Variants in TMEM178B observed in about 807,000 individuals in gnomAD.
TMEM178B encodes transmembrane protein 178B.
TMEM178B carries 5 observed loss-of-function variants against 31.0 expected under a neutral mutation model. That is an observed-to-expected ratio of 0.16 (90% CI 0.08 to 0.34). The LOEUF (loss-of-function observed/expected upper bound fraction) is 0.34, where lower values mean the gene tolerates loss of function less well. Ranked by LOEUF, TMEM178B falls within the 10% of genes least tolerant of loss-of-function variation. The pLI is 1.00. For synonymous variants in TMEM178B, 164 were observed against 164.0 expected, an observed-to-expected ratio of 1.00 and a Z score of 0.00; for missense variants, 275 against 400.3, an observed-to-expected ratio of 0.69 and a Z score of 2.67.
the TMEM178B span, among the ~76,000 whole-genome samples, chr7:141,502,157 T>A: frequency 7.4e-5 from 10 of 135,906 alleles, no homozygotes; most frequent in African/African-American, 3.7e-4. Flanking sequence ...CCCTCCCTAA[T>A]ACTTAAAAGC....
chr7:141,342,312 C>G (rs1799528690), intron 2 of TMEM178B, among the ~76,000 whole-genome samples: 1 of 152,226 alleles, frequency 6.6e-6, no homozygotes, highest in South Asian at 2.1e-4. Flanking sequence ...ATCATTGGTT[C>G]TAACCTTCCC....
intron 1 of TMEM178B, among the ~76,000 whole-genome samples, chr7:141,172,613 T>C (rs1796366303): frequency 6.6e-6 from 1 of 152,182 alleles, no homozygotes; most frequent in Non-Finnish European, 1.5e-5. Flanking sequence ...ACCAGGACTC[T>C]GTTACCTCCC....
chr7:141,454,392 G>A (rs1237489356), intron 3 of TMEM178B, among the ~76,000 whole-genome samples: 1 of 152,066 alleles, frequency 6.6e-6, no homozygotes, highest in Non-Finnish European at 1.5e-5. Flanking sequence ...ACATTGGTGG[G>A]AGAGAAAGCC....
intron 1 of TMEM178B, among the ~76,000 whole-genome samples, chr7:141,168,969 C>T (rs1424108397): frequency 6.6e-6 from 1 of 152,194 alleles, no homozygotes; most frequent in Non-Finnish European, 1.5e-5. Flanking sequence ...TTTCTCATTT[C>T]TTTGTGTTGG....
chr7:141,371,796 C>T (rs1400144317), intron 2 of TMEM178B, among the ~76,000 whole-genome samples: 1 of 152,174 alleles, frequency 6.6e-6, no homozygotes, highest in Non-Finnish European at 1.5e-5. Context: ...TGTCCACCTA[C>T]ACAACCTCTC....
At chr7:141,299,939 C>T (rs951556896) in intron 2 of TMEM178B, among the ~76,000 whole-genome samples, 4 of 152,036 alleles carry the variant, frequency 2.6e-5, no homozygotes, top group African/African-American at 4.8e-5. Flanking sequence ...CATGTGTCAT[C>T]ATGTCTGGCT....
intron 2 of TMEM178B, among the ~76,000 whole-genome samples, chr7:141,435,217 TCA>T (rs1370905939): frequency 6.6e-6 from 1 of 152,244 alleles, no homozygotes; most frequent in Non-Finnish European, 1.5e-5. Flanking sequence ...CCCCTGTCTC[TCA>T]CCAAGTAAAA....
chr7:141,281,673 T>C lies in TMEM178B; in HGVS notation c.496+68969T>C, dbSNP rs951167161. On this transcript the variant is annotated intron_variant, in intron 2 of 3. Transcript: ENST00000565468. ...AGAGACCTCTTTCTGGGGAGTCAGC[T>C]ATTTCGTAGAAGAGTCACCCTGGAG... Among the ~76,000 whole-genome samples the C allele has an allele frequency of 9.2e-5, 14 of 152,168 alleles. 1 individual carries two copies. Among genetic ancestry groups the C allele is most frequent in the Admixed American group, 7.2e-4 (11 of 15,284 alleles).
chr7:141,423,960 C>A (rs1801266396), intron 2 of TMEM178B, among the ~76,000 whole-genome samples: 1 of 151,592 alleles, frequency 6.6e-6, no homozygotes, highest in East Asian at 1.9e-4. Context: ...AGCTGCATGC[C>A]ACCATGCCCA....
At chr7:141,192,557 T>C (rs1294937358) in intron 1 of TMEM178B, among the ~76,000 whole-genome samples, 3 of 151,644 alleles carry the variant, frequency 2.0e-5, no homozygotes, top group Admixed American at 1.3e-4. Flanking sequence ...GGGGCGATCT[T>C]GGCTCGTTGC....
intron 1 of TMEM178B, among the ~76,000 whole-genome samples, chr7:141,119,439 G>T (rs2129176172): frequency 6.6e-6 from 1 of 152,260 alleles, no homozygotes; most frequent in South Asian, 2.1e-4. Flanking sequence ...ACTGATGTGG[G>T]CTACTGCCCT....
chr7:141,241,278 C>T (rs6969320), intron 2 of TMEM178B, among the ~76,000 whole-genome samples: 129,010 of 151,768 alleles, frequency 0.85, 55,037 homozygotes, highest in East Asian at 0.99. Flanking sequence ...TAGGCACCAA[C>T]ATTACAGATT....
chr7:141,381,818 G>A (rs916786109), intron 2 of TMEM178B, among the ~76,000 whole-genome samples: 3 of 152,118 alleles, frequency 2.0e-5, no homozygotes, highest in Admixed American at 1.3e-4. Flanking sequence ...GGCACTGAAT[G>A]TATTTACACT....
chr7:141,494,712 T>C, the TMEM178B span, among the ~76,000 whole-genome samples: 535 of 152,312 alleles, frequency 3.5e-3, 2 homozygotes, highest in African/African-American at 1.0e-2. Context: ...GAGACCAGCC[T>C]GGGCAATGTA....
chr7:141,319,750 C>A (rs1297479726), intron 2 of TMEM178B, among the ~76,000 whole-genome samples: 4 of 152,140 alleles, frequency 2.6e-5, no homozygotes, highest in African/African-American at 9.7e-5. Flanking sequence ...GTTGGCCAGG[C>A]TGGGTTTGTC....
intron 1 of TMEM178B, among the ~76,000 whole-genome samples, chr7:141,163,939 G>A (rs1405081811): frequency 6.6e-6 from 1 of 152,126 alleles, no homozygotes; most frequent in Non-Finnish European, 1.5e-5. Flanking sequence ...CTGATTATTA[G>A]AATTACAAGG....
At chr7:141,401,759 G>A (rs1407108797) in intron 2 of TMEM178B, among the ~76,000 whole-genome samples, 3 of 152,168 alleles carry the variant, frequency 2.0e-5, no homozygotes, top group African/African-American at 4.8e-5. Flanking sequence ...CAGACCATAC[G>A]CATCTGCCTT....
At chr7:141,401,525 C>T (rs892393908) in intron 2 of TMEM178B, among the ~76,000 whole-genome samples, 6 of 152,204 alleles carry the variant, frequency 3.9e-5, no homozygotes, top group African/African-American at 1.4e-4. Flanking sequence ...AACTGATCCT[C>T]CTGCCTCAGC....
intron 1 of TMEM178B, among the ~76,000 whole-genome samples, chr7:141,189,415 C>T (rs2129184800): frequency 6.6e-6 from 1 of 152,300 alleles, no homozygotes; most frequent in South Asian, 2.1e-4. Context: ...AGCAGATGGG[C>T]AGAGCAGCAG....
Sources: allele counts gnomAD v4.1 joint callset (sites outside exome capture counted in the v4.1 genomes callset), GRCh38; gene constraint gnomAD v4.1.1; transcripts MANE v1.5; gene names NCBI Gene and HGNC (gene_info 2026-07-23, HGNC 2026-07-21).